The following SASH1 variants were observed in gnomAD, a reference collection of about 807,000 sequenced individuals.
SASH1 encodes the protein SAM and SH3 domain containing 1.
A neutral mutation model predicts 125.2 loss-of-function variants in SASH1; 44 were observed. That is an observed-to-expected ratio of 0.35 (90% CI 0.28 to 0.45). The LOEUF is 0.45. SASH1 is among the 20% of genes least tolerant of loss of function. SASH1 has a pLI of 1.00. For missense variants in SASH1, 1,426 were observed against 1,614.5 expected (o/e 0.88, Z 2.00); for synonymous variants, 639 against 649.1 (o/e 0.98, Z 0.24).
the SASH1 span, among the ~76,000 whole-genome samples, chr6:148,225,522 T>C: frequency 6.6e-6 from 1 of 151,990 alleles, no homozygotes; most frequent in Admixed American, 6.6e-5. Context: ...AGCTAAGCTA[T>C]GAGGATGCAA....
chr6:148,327,563 G>A (rs978063272), intron 1 of SASH1, among the ~76,000 whole-genome samples: 3 of 151,276 alleles, frequency 2.0e-5, no homozygotes, highest in Non-Finnish European at 2.9e-5. Context: ...GATTACAGGC[G>A]TGAGCCACTG....
At chr6:148,470,111 G>A (rs1045053842) in intron 5 of SASH1, among the ~76,000 whole-genome samples, 1 of 152,102 alleles carries the variant, frequency 6.6e-6, no homozygotes. Context: ...GCAAGATTGA[G>A]TTAATAATAA....
chr6:148,261,759 T>C, the SASH1 span, among the ~76,000 whole-genome samples: 1 of 152,054 alleles, frequency 6.6e-6, no homozygotes, highest in Non-Finnish European at 1.5e-5. Flanking sequence ...ACGGGGTTAG[T>C]GCCATCAGCC....
the SASH1 span, among the ~76,000 whole-genome samples, chr6:148,199,831 GAAAGA>G: frequency 2.1e-4 from 32 of 151,442 alleles, no homozygotes; most frequent in Admixed American, 4.0e-4. Context: ...AAGGAGGAAA[GAAAGA>G]AAAGAAAAGG....
chr6:148,406,211 G>A (rs1784366373), intron 2 of SASH1, among the ~76,000 whole-genome samples: 1 of 151,994 alleles, frequency 6.6e-6, no homozygotes, highest in African/African-American at 2.4e-5. Flanking sequence ...CAATCTGCTT[G>A]TTTTTGTTTG....
chr6:148,362,207 G>C (rs554972009), intron 1 of SASH1, among the ~76,000 whole-genome samples: 1 of 148,968 alleles, frequency 6.7e-6, no homozygotes, highest in East Asian at 2.0e-4. Flanking sequence ...GATTACAGGC[G>C]TGAGCCACCG....
chr6:148,222,114 G>T, the SASH1 span, among the ~76,000 whole-genome samples: 2 of 152,082 alleles, frequency 1.3e-5, no homozygotes, highest in Admixed American at 1.3e-4. Context: ...AATGTGTGGG[G>T]CACCTTTGCT....
At chr6:148,311,294 A>G (rs1043028541) in intron 1 of SASH1, among the ~76,000 whole-genome samples, 3 of 151,512 alleles carry the variant, frequency 2.0e-5, no homozygotes, top group Non-Finnish European at 2.9e-5. Flanking sequence ...TTTAGTAGAG[A>G]CAGGGTTTCA....
chr6:148,530,675 C>CAGAG (rs1781461475), intron 12 of SASH1, among the ~76,000 whole-genome samples: 1 of 152,136 alleles, frequency 6.6e-6, no homozygotes, highest in Non-Finnish European at 1.5e-5. Flanking sequence ...TGTAATATGC[C>CAGAG]AGAGACTTTT....
chr6:148,203,995 T>C, the SASH1 span, among the ~76,000 whole-genome samples: 1 of 152,230 alleles, frequency 6.6e-6, no homozygotes, highest in East Asian at 1.9e-4. Flanking sequence ...TTGGGTTTTG[T>C]TGACTGATGA....
upstream of SASH1, among the ~76,000 whole-genome samples, chr6:148,339,737 G>T (rs940860834): frequency 2.0e-5 from 3 of 151,820 alleles, no homozygotes; most frequent in African/African-American, 7.3e-5. Context: ...TAGAGATGGG[G>T]TTTTGTCATG....
intron 1 of SASH1, among the ~76,000 whole-genome samples, chr6:148,298,465 A>G (rs1370810140): frequency 6.6e-6 from 1 of 152,096 alleles, no homozygotes; most frequent in East Asian, 1.9e-4. Flanking sequence ...CCCTATCTCT[A>G]CAAAAGAATG....
chr6:148,523,556 TAGC>T (rs369288890), intron 10 of SASH1, among the ~76,000 whole-genome samples: 1 of 152,000 alleles, frequency 6.6e-6, no homozygotes, highest in Non-Finnish European at 1.5e-5. Context: ...AAGTCGGTAG[TAGC>T]AGCAGCAGCA....
chr6:148,467,523 A>G (rs1777901792), intron 4 of SASH1, among the ~76,000 whole-genome samples: 3 of 152,202 alleles, frequency 2.0e-5, no homozygotes, highest in Admixed American at 6.5e-5. Context: ...ACTGGCAGCC[A>G]AAGGTGTTGG....
At chr6:148,531,436 T>C (rs533149228) in intron 12 of SASH1, 90 bp from the exon 13 acceptor site, 1 of 1,170,848 alleles carries the variant, frequency 8.5e-7, no homozygotes, top group Non-Finnish European at 1.1e-6. Context: ...TTGATTTGAT[T>C]GATTTCGTTG....
chr6:148,242,341 G>A, the SASH1 span, among the ~76,000 whole-genome samples: 20 of 152,186 alleles, frequency 1.3e-4, no homozygotes, highest in Admixed American at 9.8e-4. Context: ...AAGCCAAGAA[G>A]GCAAAGTTCC....
At chr6:148,245,095 A>C in the SASH1 span, among the ~76,000 whole-genome samples, 1 of 152,170 alleles carries the variant, frequency 6.6e-6, no homozygotes, top group Non-Finnish European at 1.5e-5. Flanking sequence ...CAGCTGCTTG[A>C]TGCCTTAAAG....
chr6:148,251,599 C>T, the SASH1 span, among the ~76,000 whole-genome samples: 2 of 152,038 alleles, frequency 1.3e-5, no homozygotes, highest in Admixed American at 6.6e-5. Flanking sequence ...AGAAGCCAAA[C>T]TGATGTGGCC....
At chr6:148,296,171 G>A (rs1779758496) in intron 1 of SASH1, among the ~76,000 whole-genome samples, 1 of 152,108 alleles carries the variant, frequency 6.6e-6, no homozygotes. Context: ...TGTTACCCAG[G>A]TTGGAGTGCA....
Sources: allele counts gnomAD v4.1 joint callset (sites outside exome capture counted in the v4.1 genomes callset), GRCh38; gene constraint gnomAD v4.1.1; transcripts MANE v1.5; gene names NCBI Gene and HGNC (gene_info 2026-07-23, HGNC 2026-07-21).